GRID2: variants seen among roughly 807,000 people sequenced by gnomAD.
The protein encoded by GRID2 is glutamate ionotropic receptor delta type subunit 2, also known as glutamate receptor ionotropic, delta-2.
GRID2 carries 33 observed loss-of-function variants against 114.8 expected under a neutral mutation model. The observed-to-expected ratio is 0.29, with a 90% CI of 0.22 to 0.38. The LOEUF (loss-of-function observed/expected upper bound fraction) is 0.38. GRID2 is among the 10% of genes least tolerant of loss of function. GRID2 has a pLI of 1.00. For missense variants in GRID2, 1,184 were observed against 1,257.7 expected (o/e 0.94, Z 0.89); for synonymous variants, 505 against 449.9 (o/e 1.12, Z -1.55).
chr4:93,109,844 A>G (rs1220921952), intron 3 of GRID2, among the ~76,000 whole-genome samples: 2 of 152,174 alleles, frequency 1.3e-5, no homozygotes, highest in Non-Finnish European at 2.9e-5. Context: ...GATACTAAGA[A>G]GAAATATTTG....
At chr4:93,310,133 A>G (rs1469820676) in intron 8 of GRID2, among the ~76,000 whole-genome samples, 1 of 152,194 alleles carries the variant, frequency 6.6e-6, no homozygotes, top group Admixed American at 6.6e-5. Context: ...CTAGACATGC[A>G]AAGCAATACT....
intron 8 of GRID2, among the ~76,000 whole-genome samples, chr4:93,308,328 G>C (rs2149181709): frequency 6.6e-6 from 1 of 152,244 alleles, no homozygotes; most frequent in South Asian, 2.1e-4. Context: ...AGCATGACCT[G>C]TGAATCTATT....
intron 1 of GRID2, among the ~76,000 whole-genome samples, chr4:92,306,610 C>T (rs1725421181): frequency 6.6e-6 from 1 of 152,118 alleles, no homozygotes; most frequent in Non-Finnish European, 1.5e-5. Context: ...TTTTAAATCG[C>T]TTATTCTGTG....
At chr4:93,183,560 A>G (rs1579220542) in intron 4 of GRID2, among the ~76,000 whole-genome samples, 1 of 152,190 alleles carries the variant, frequency 6.6e-6, no homozygotes, top group Non-Finnish European at 1.5e-5. Flanking sequence ...TCAAACAACT[A>G]CTTAGTAAGT....
At chr4:92,614,114 A>C (rs2149231713) in intron 2 of GRID2, among the ~76,000 whole-genome samples, 1 of 151,658 alleles carries the variant, frequency 6.6e-6, no homozygotes, top group Admixed American at 6.6e-5. Context: ...ACAGTGCTAT[A>C]GAACACTGGA....
intron 4 of GRID2, among the ~76,000 whole-genome samples, chr4:93,205,527 T>A (rs1262629684): frequency 6.6e-6 from 1 of 152,174 alleles, no homozygotes; most frequent in Non-Finnish European, 1.5e-5. Flanking sequence ...ATGGTGTATA[T>A]GTGCCACATT....
intron 2 of GRID2, among the ~76,000 whole-genome samples, chr4:93,067,946 T>G (rs1251053768): frequency 6.6e-6 from 1 of 152,050 alleles, no homozygotes. Context: ...ATATTTCACC[T>G]GTATTTGATT....
chr4:92,969,313 G>A (rs1578634088), intron 2 of GRID2, among the ~76,000 whole-genome samples: 1 of 151,604 alleles, frequency 6.6e-6, no homozygotes, highest in South Asian at 2.1e-4. Flanking sequence ...TATAGATAAA[G>A]AATTTTGACT....
At chr4:93,137,463 A>G (rs180706499) in intron 4 of GRID2, among the ~76,000 whole-genome samples, 13 of 152,274 alleles carry the variant, frequency 8.5e-5, no homozygotes, top group Admixed American at 8.5e-4. Flanking sequence ...TTTTAGGCCT[A>G]GAAGGAACCT....
chr4:93,480,668 C>T (rs1051948713), intron 11 of GRID2, among the ~76,000 whole-genome samples: 4 of 152,014 alleles, frequency 2.6e-5, no homozygotes, highest in East Asian at 1.9e-4. Flanking sequence ...ATCCACACCA[C>T]GCCTTTACCT....
chr4:92,326,582 T>A (rs1295308244), intron 1 of GRID2, among the ~76,000 whole-genome samples: 1 of 151,970 alleles, frequency 6.6e-6, no homozygotes, highest in East Asian at 1.9e-4. Flanking sequence ...ATGAAAATGA[T>A]TTATTACTTG....
chr4:92,602,700 C>G (rs1396066430), intron 2 of GRID2, among the ~76,000 whole-genome samples: 1 of 152,060 alleles, frequency 6.6e-6, no homozygotes. Context: ...GAAGTTCTGG[C>G]CAGGGTAATC....
intron 4 of GRID2, among the ~76,000 whole-genome samples, chr4:93,178,871 G>A (rs951036345): frequency 1.3e-5 from 2 of 152,082 alleles, no homozygotes; most frequent in Non-Finnish European, 2.9e-5. Context: ...TTTCTATTAA[G>A]TGTCTATGAG....
At chr4:93,521,617 A>G (rs929127312) in intron 13 of GRID2, among the ~76,000 whole-genome samples, 2 of 152,114 alleles carry the variant, frequency 1.3e-5, no homozygotes, top group Non-Finnish European at 2.9e-5. Flanking sequence ...GTAGAAGAAG[A>G]GATTAGGGAA....
At chr4:92,424,223 G>A (rs1013017051) in intron 1 of GRID2, among the ~76,000 whole-genome samples, 4 of 152,024 alleles carry the variant, frequency 2.6e-5, no homozygotes, top group African/African-American at 9.7e-5. Context: ...CTCTCAACTA[G>A]GAGTTTGATA....
chr4:92,837,916 T>G (rs1488671182), intron 2 of GRID2, among the ~76,000 whole-genome samples: 1 of 152,104 alleles, frequency 6.6e-6, no homozygotes, highest in Admixed American at 6.6e-5. Context: ...TCCTTTTACA[T>G]ATGTCACTTG....
chr4:92,626,732 C>T (rs371113520), intron 2 of GRID2, among the ~76,000 whole-genome samples: 9 of 151,972 alleles, frequency 5.9e-5, no homozygotes, highest in African/African-American at 1.9e-4. Flanking sequence ...TTTTATGATT[C>T]TCACAGAGAA....
chr4:92,820,015 C>G (rs1339696378), intron 2 of GRID2, among the ~76,000 whole-genome samples: 1 of 152,098 alleles, frequency 6.6e-6, no homozygotes, highest in East Asian at 1.9e-4. Context: ...TTTACAATCT[C>G]ATTTTTGAAA....
chr4:93,510,918 A>C (rs1313970100), intron 12 of GRID2, among the ~76,000 whole-genome samples: 1 of 152,056 alleles, frequency 6.6e-6, no homozygotes, highest in Non-Finnish European at 1.5e-5. Context: ...ATATTTAAAA[A>C]ATTTAATTGT....
Sources: gnomAD v4.1 joint callset for allele counts (sites outside exome capture counted in the v4.1 genomes callset) on GRCh38, gnomAD v4.1.1 for gene constraint, MANE v1.5 for transcripts, NCBI Gene and HGNC (gene_info 2026-07-23, HGNC 2026-07-21) for gene names.